The following THRAP3 variants were observed in gnomAD, a reference collection of about 807,000 sequenced individuals.
The protein encoded by THRAP3 is thyroid hormone receptor-associated protein 3.
A neutral mutation model predicts 101.0 loss-of-function variants in THRAP3; 16 were observed. The ratio of observed to expected loss-of-function variants is 0.16; its 90% CI spans 0.11 to 0.24. The LOEUF is 0.24. Ranked by LOEUF, THRAP3 falls within the 10% of genes least tolerant of loss-of-function variation. The probability of loss-of-function intolerance (pLI) is 1.00; values close to 1 mark genes in which losing one functional copy is unlikely to be tolerated. For missense variants in THRAP3, 989 were observed against 1,202.7 expected (o/e 0.82, Z 2.63); for synonymous variants, 407 against 422.6 (o/e 0.96, Z 0.45).
At chr1:36,262,856 C>G (rs1333862536) in intron 2 of THRAP3, among the ~76,000 whole-genome samples, 1 of 141,718 alleles carries the variant, frequency 7.1e-6, no homozygotes, top group Non-Finnish European at 1.5e-5. Flanking sequence ...TGCAGTGGCG[C>G]GATCTCGGCT....
chr1:36,215,048 C>A, the THRAP3 span, among the ~76,000 whole-genome samples: 2 of 151,122 alleles, frequency 1.3e-5, no homozygotes, highest in Admixed American at 1.3e-4. Context: ...GATGAAACCC[C>A]GTCTCTACTA....
intron 2 of THRAP3, among the ~76,000 whole-genome samples, chr1:36,270,442 C>T (rs114238377): frequency 6.6e-5 from 10 of 152,130 alleles, no homozygotes; most frequent in Admixed American, 2.0e-4. Context: ...TGCCTGCTCT[C>T]GCAGCTATAA....
chr1:36,268,057 G>A (rs963498008), intron 2 of THRAP3, among the ~76,000 whole-genome samples: 1 of 151,936 alleles, frequency 6.6e-6, no homozygotes, highest in Non-Finnish European at 1.5e-5. Context: ...GCACGCAGCT[G>A]TAATCCCAGC....
chr1:36,295,620 CCTCCCTTT>C (rs1645939193), intron 8 of THRAP3, among the ~76,000 whole-genome samples: 1 of 151,802 alleles, frequency 6.6e-6, no homozygotes, highest in East Asian at 1.9e-4. Context: ...TCCCTCCCTT[CCTCCCTTT>C]CTCCCTGTTT....
At chr1:36,244,400 G>C (rs1645206306) in intron 1 of THRAP3, among the ~76,000 whole-genome samples, 1 of 152,104 alleles carries the variant, frequency 6.6e-6, no homozygotes, top group Non-Finnish European at 1.5e-5. Context: ...TTCAAAGGTT[G>C]AATGTGCCTT....
chr1:36,223,394 A>T (rs1644919141), upstream of THRAP3, among the ~76,000 whole-genome samples: 1 of 152,192 alleles, frequency 6.6e-6, no homozygotes, highest in Non-Finnish European at 1.5e-5. Context: ...GAGGTGCAGA[A>T]ATCCATCAAA....
intron 1 of THRAP3, among the ~76,000 whole-genome samples, chr1:36,251,384 A>G (rs1645298417): frequency 1.3e-5 from 2 of 152,332 alleles, no homozygotes; most frequent in South Asian, 4.1e-4. Flanking sequence ...GCCCGAGAGC[A>G]TGAGTTTAAA....
intron 1 of THRAP3, among the ~76,000 whole-genome samples, chr1:36,249,685 A>G (rs886764738): frequency 7.2e-6 from 1 of 138,114 alleles, no homozygotes; most frequent in African/African-American, 2.6e-5. Flanking sequence ...GCAGGTGGTG[A>G]GTGTGTGTGT....
the THRAP3 span, among the ~76,000 whole-genome samples, chr1:36,219,123 G>C: frequency 1.3e-5 from 2 of 151,376 alleles, no homozygotes; most frequent in East Asian, 3.9e-4. Flanking sequence ...TACAGAGAGA[G>C]TTTTAGTGAC....
At chr1:36,255,364 C>T (rs1161383571) in intron 1 of THRAP3, among the ~76,000 whole-genome samples, 7 of 151,412 alleles carry the variant, frequency 4.6e-5, no homozygotes, top group East Asian at 3.9e-4. Flanking sequence ...TACTGTGGCT[C>T]GCACTGTAAT....
chr1:36,251,794 T>C (rs941502351), intron 1 of THRAP3, among the ~76,000 whole-genome samples: 3 of 152,192 alleles, frequency 2.0e-5, no homozygotes, highest in Non-Finnish European at 2.9e-5. Flanking sequence ...ATACATATAT[T>C]AATTTATTCG....
intron 2 of THRAP3, among the ~76,000 whole-genome samples, chr1:36,266,949 T>C (rs4653172): frequency 0.95 from 143,756 of 152,012 alleles, 68,518 homozygotes; most frequent in Non-Finnish European, 1. Flanking sequence ...GGCACGATCT[T>C]GGCTCACTGC....
intron 2 of THRAP3, among the ~76,000 whole-genome samples, chr1:36,277,834 A>T (rs1304434767): frequency 6.6e-6 from 1 of 152,116 alleles, no homozygotes; most frequent in African/African-American, 2.4e-5. Context: ...ATCTAGGCTC[A>T]CTGCCACCTC....
intron 8 of THRAP3, among the ~76,000 whole-genome samples, chr1:36,295,953 A>G (rs996289484): frequency 1.1e-5 from 1 of 87,776 alleles, no homozygotes; most frequent in East Asian, 4.3e-4. Context: ...AGCCTTCTCA[A>G]CTTTTTTTTT....
At chr1:36,247,067 C>A (rs1645239999) in intron 1 of THRAP3, among the ~76,000 whole-genome samples, 1 of 151,912 alleles carries the variant, frequency 6.6e-6, no homozygotes, top group Non-Finnish European at 1.5e-5. Flanking sequence ...GCCTGTAATC[C>A]CAGCACTTTG....
chr1:36,229,949 G>A (rs1645007831), intron 1 of THRAP3, among the ~76,000 whole-genome samples: 1 of 108,922 alleles, frequency 9.2e-6, no homozygotes, highest in Non-Finnish European at 1.8e-5. Context: ...ATCGCGCCCA[G>A]CCTTTTTTTT....
chr1:36,295,071 A>G lies in THRAP3; in HGVS notation c.2115+1136A>G, dbSNP rs183275846. Among the ~76,000 whole-genome samples, 111 of 152,132 alleles carry G rather than the reference A, an allele frequency of 7.3e-4. 2 individuals are homozygous for G. In the East Asian group the frequency reaches 0.013, roughly 18 times the overall value. On this transcript the variant is annotated intron_variant, in intron 8 of 11. Coordinates refer to ENST00000354618, the MANE Select transcript of THRAP3 (RefSeq NM_005119.4). ...AAACCCCGTCTCTACTAAAAATACAAAATTAGCCGGGTGTGGTAGTGCATG... is the reference window on the plus strand; with the variant it reads ...AAACCCCGTCTCTACTAAAAATACAGAATTAGCCGGGTGTGGTAGTGCATG...
In THRAP3 at chr1:36,304,125, AC is replaced by A. The variant is rs1646065906; in HGVS notation, c.*114del. The A allele has an allele frequency of 1.2e-5, 17 of 1,394,438 alleles. No homozygotes were observed. The highest frequency in any genetic ancestry group is 3.1e-5 in the Admixed American group (1 of 32,160). 86.4% of individuals were successfully genotyped at this position (1,394,438 alleles called of 1,614,324 possible). ...AGAAGATTCTGAAAATCCTACCCCC[AC>A]CCCCCACCAGCCGCACAGATTGTAC... On this transcript the variant is annotated 3_prime_UTR_variant, in exon 12 of 12. Transcript: ENST00000354618.
intron 11 of THRAP3, 39 bp downstream of exon 11, chr1:36,301,735 TTTG>T: frequency 6.3e-7 from 1 of 1,586,070 alleles, no homozygotes; most frequent in South Asian, 1.1e-5. Context: ...TTAGAGGGCC[TTTG>T]ACACACAGAG....
Sources: gnomAD v4.1 joint callset for allele counts (sites outside exome capture counted in the v4.1 genomes callset) on GRCh38, gnomAD v4.1.1 for gene constraint, MANE v1.5 for transcripts, NCBI Gene and HGNC (gene_info 2026-07-23, HGNC 2026-07-21) for gene names.